CEP85L: variants seen among roughly 807,000 people sequenced by gnomAD.
The protein encoded by CEP85L is centrosomal protein 85L, also known as centrosomal protein of 85 kDa-like.
In CEP85L, 60 loss-of-function variants were observed where a neutral mutation model predicts 100.3. The observed-to-expected ratio is 0.60, with a 90% CI of 0.49 to 0.74. The LOEUF is 0.74. Among genes scored for constraint, CEP85L ranks in the 30% least tolerant of loss-of-function variants. The pLI, the probability that CEP85L is intolerant of heterozygous loss-of-function variation, is 0.00. For synonymous variants in CEP85L, 319 were observed against 322.7 expected, an observed-to-expected ratio of 0.99 and a Z score of 0.12; for missense variants, 973 against 936.2, an observed-to-expected ratio of 1.04 and a Z score of -0.51.
chr6:118,692,584 C>T (rs572222104), intron 1 of CEP85L, among the ~76,000 whole-genome samples: 13 of 152,138 alleles, frequency 8.5e-5, no homozygotes, highest in African/African-American at 2.7e-4. Context: ...AAATGTATCA[C>T]GCCAATTATA....
At chr6:118,624,125 A>G (rs1470978866) in intron 2 of CEP85L, among the ~76,000 whole-genome samples, 1 of 152,172 alleles carries the variant, frequency 6.6e-6, no homozygotes, top group Non-Finnish European at 1.5e-5. Context: ...CTATTTCGGA[A>G]GGAAGCATCC....
At chr6:118,468,543 G>T (rs1413857289) in intron 12 of CEP85L, among the ~76,000 whole-genome samples, 3 of 152,136 alleles carry the variant, frequency 2.0e-5, no homozygotes, top group Non-Finnish European at 4.4e-5. Context: ...CAGAATTGAG[G>T]CCAAGAGTGA....
At chr6:118,493,257 C>T (rs563870263) in intron 5 of CEP85L, among the ~76,000 whole-genome samples, 29 of 152,262 alleles carry the variant, frequency 1.9e-4, no homozygotes, top group African/African-American at 7.0e-4. Flanking sequence ...AGAGAGTTAT[C>T]ATGTCATGTT....
rs117107544 is a variant in CEP85L, at chr6:118,477,090, G to A, written c.1914+2781C>T. Among the ~76,000 whole-genome samples, 361 of 152,184 alleles carry A rather than the reference G, an allele frequency of 2.4e-3. 7 individuals are homozygous for A. The East Asian group carries it at 0.057, about 24-fold the overall frequency. On this transcript the variant is annotated intron_variant, in intron 10 of 12. Coordinates refer to ENST00000368491, the MANE Select transcript of CEP85L (RefSeq NM_001042475.3). ...CTACCGCAAAATGTCTTTATATACT[G>A]TATAATGACAGAAGAAAAAACCTAT...
intron 2 of CEP85L, among the ~76,000 whole-genome samples, chr6:118,620,949 G>A (rs1022422190): frequency 5.9e-5 from 9 of 152,214 alleles, no homozygotes; most frequent in Admixed American, 2.0e-4. Context: ...ACACGAATAC[G>A]GGGGACAAAT....
intron 1 of CEP85L, among the ~76,000 whole-genome samples, chr6:118,688,305 G>A (rs1343803918): frequency 6.6e-6 from 1 of 152,126 alleles, no homozygotes; most frequent in Non-Finnish European, 1.5e-5. Context: ...CCAGTCCTCT[G>A]TTTTATTTTT....
At chr6:118,473,936 T>TA (rs5879462) in intron 10 of CEP85L, among the ~76,000 whole-genome samples, 20,576 of 151,668 alleles carry the variant, frequency 0.14, 1,803 homozygotes, top group Non-Finnish European at 0.19. Flanking sequence ...AGATAAGAAA[T>TA]AAAAAAAAGA....
At chr6:118,614,963 C>G (rs1182214228) in intron 2 of CEP85L, among the ~76,000 whole-genome samples, 1 of 152,114 alleles carries the variant, frequency 6.6e-6, no homozygotes, top group East Asian at 1.9e-4. Flanking sequence ...AAACTTATTT[C>G]TGTGTTCTAT....
chr6:118,650,183 A>G (rs368374533), intron 1 of CEP85L, among the ~76,000 whole-genome samples: 19 of 152,338 alleles, frequency 1.2e-4, no homozygotes, highest in African/African-American at 4.6e-4. Flanking sequence ...AGTCCCAGAA[A>G]CAGCTAAAAT....
intron 1 of CEP85L, among the ~76,000 whole-genome samples, chr6:118,659,919 C>T (rs950895763): frequency 1.3e-5 from 2 of 152,240 alleles, no homozygotes; most frequent in African/African-American, 4.8e-5. Flanking sequence ...CATAGATGAG[C>T]AATGCCACGT....
intron 1 of CEP85L, among the ~76,000 whole-genome samples, chr6:118,697,325 G>T (rs998769924): frequency 3.9e-5 from 6 of 152,170 alleles, no homozygotes; most frequent in African/African-American, 1.4e-4. Context: ...GTCCCATTTT[G>T]AGACCCATCC....
At chr6:118,669,005 A>C (rs1294488487) in intron 1 of CEP85L, among the ~76,000 whole-genome samples, 3 of 152,240 alleles carry the variant, frequency 2.0e-5, no homozygotes, top group Non-Finnish European at 4.4e-5. Flanking sequence ...ACTGGGAGTA[A>C]AACCAAGAAA....
At chr6:118,648,747 A>G (rs1039685195) in intron 1 of CEP85L, among the ~76,000 whole-genome samples, 1 of 151,900 alleles carries the variant, frequency 6.6e-6, no homozygotes, top group African/African-American at 2.4e-5. Flanking sequence ...CTCAAAAAAA[A>G]AAAAAAAAAA....
At chr6:118,650,656 T>C (rs539131167) in intron 1 of CEP85L, among the ~76,000 whole-genome samples, 2 of 152,252 alleles carry the variant, frequency 1.3e-5, no homozygotes, top group South Asian at 4.1e-4. Context: ...GCCGCATCTC[T>C]GGCAGCATCC....
At chr6:118,509,389 C>G (rs973721484) in intron 5 of CEP85L, among the ~76,000 whole-genome samples, 2 of 151,884 alleles carry the variant, frequency 1.3e-5, no homozygotes, top group African/African-American at 2.4e-5. Context: ...ATAGAAATAC[C>G]ATTTTCAAAT....
intron 2 of CEP85L, among the ~76,000 whole-genome samples, chr6:118,610,110 C>CAT (rs1199316487): frequency 6.6e-6 from 1 of 152,132 alleles, no homozygotes; most frequent in African/African-American, 2.4e-5. Flanking sequence ...CATCACCACA[C>CAT]ATAGAGTTAC....
intron 3 of CEP85L, among the ~76,000 whole-genome samples, chr6:118,540,106 A>G (rs979335991): frequency 4.0e-5 from 6 of 151,302 alleles, no homozygotes; most frequent in Non-Finnish European, 8.8e-5. Flanking sequence ...CCTATAGTAC[A>G]CAATTAACAA....
intron 2 of CEP85L, among the ~76,000 whole-genome samples, chr6:118,612,554 G>A (rs1772699207): frequency 6.6e-6 from 1 of 150,538 alleles, no homozygotes; most frequent in African/African-American, 2.4e-5. Flanking sequence ...CCCAGCTACT[G>A]GGGAGGCTGA....
intron 2 of CEP85L, among the ~76,000 whole-genome samples, chr6:118,602,036 C>G (rs868725370): frequency 1.3e-5 from 2 of 152,260 alleles, no homozygotes; most frequent in Non-Finnish European, 2.9e-5. Context: ...CAGGTTCACA[C>G]GCCTCTAACA....
Sources: allele counts gnomAD v4.1 joint callset (sites outside exome capture counted in the v4.1 genomes callset), GRCh38; gene constraint gnomAD v4.1.1; transcripts MANE v1.5; gene names NCBI Gene and HGNC (gene_info 2026-07-23, HGNC 2026-07-21).